The following TRRAP variants were observed in gnomAD, a reference collection of about 807,000 sequenced individuals.
The protein encoded by TRRAP is transformation/transcription domain-associated protein.
Under a neutral mutation model 438.8 loss-of-function variants are expected in TRRAP, and 41 were observed. The observed-to-expected ratio is 0.09, with a 90% CI of 0.07 to 0.12. TRRAP has a LOEUF of 0.12. TRRAP is among the 10% of genes least tolerant of loss of function. The pLI is 1.00. For missense variants in TRRAP, 3,122 were observed against 5,055.1 expected (o/e 0.62, Z 11.60); for synonymous variants, 1,994 against 1,962.9 (o/e 1.02, Z -0.42).
intron 30 of TRRAP, among the ~76,000 whole-genome samples, chr7:98,942,407 C>T (rs1790836818): frequency 6.6e-6 from 1 of 152,256 alleles, no homozygotes; most frequent in African/African-American, 2.4e-5. Context: ...CTGCTTCTGG[C>T]ATTCCTGCCT....
At chr7:99,006,092 A>G (rs1025707517) in intron 69 of TRRAP, among the ~76,000 whole-genome samples, 5 of 152,188 alleles carry the variant, frequency 3.3e-5, no homozygotes, top group Admixed American at 2.0e-4. Context: ...GGGGGACACA[A>G]ATAGCTGATA....
In TRRAP at chr7:98,965,721, T is replaced by C; in HGVS notation, c.7002T>C (p.Ser2334=). 1 of 1,614,010 alleles carries C rather than the reference T, an allele frequency of 6.2e-7. No homozygotes were observed. Among genetic ancestry groups the C allele is most frequent in the African/African-American group, 1.3e-5 (1 of 74,974 alleles). The change falls in exon 49 of 73, where the codon AGT becomes AGC. Residue 2334 remains serine, a synonymous_variant. Transcript: ENST00000456197. Reference sequence around the variant, plus strand: ...GTACAAGCGAGCTGGTGATGCTGAGTCTGGAGCTGGTGAAGACGCGCCTGG... The same window carrying C: ...GTACAAGCGAGCTGGTGATGCTGAGCCTGGAGCTGGTGAAGACGCGCCTGG... The part of the protein sequence containing the change: ...TSGTSELVML[S]LELVKTRLAV...
At chr7:98,990,333 G>A in intron 63 of TRRAP, 122 bp from the exon 64 acceptor site, 1 of 984,534 alleles carries the variant, frequency 1.0e-6, no homozygotes. Flanking sequence ...CCTGCTTATA[G>A]ATACTTTTTT....
At chr7:98,951,030 G>T (rs782208000) in intron 39 of TRRAP, 26 bp downstream of exon 39, 8 of 1,556,660 alleles carry the variant, frequency 5.1e-6, no homozygotes, top group Admixed American at 1.9e-5. Flanking sequence ...GTGTGGGTGT[G>T]AGAAGTAGCC....
intron 30 of TRRAP, 24 bp from the exon 31 acceptor site, chr7:98,942,925 T>C (rs1554416010): frequency 6.2e-7 from 1 of 1,613,990 alleles, no homozygotes; most frequent in Non-Finnish European, 8.5e-7. Context: ...TGAAGTTGTG[T>C]CTCAGGATGT....
chr7:98,924,369 A>G (rs1416298733), intron 21 of TRRAP, among the ~76,000 whole-genome samples: 1 of 152,242 alleles, frequency 6.6e-6, no homozygotes, highest in Non-Finnish European at 1.5e-5. Flanking sequence ...TTAAAGCTGT[A>G]AAGTGTGTAC....
chr7:98,910,219 C>T lies in TRRAP; in HGVS notation c.1514C>T (p.Ala505Val). Reference protein sequence around the residue: ...GPAPSPAPVPAPPPPPPPPPP... With the variant: ...GPAPSPAPVPVPPPPPPPPPP... The stretch of plus-strand genomic sequence containing the variant: ...GCTCCCTCCCCAGCCCCTGTCCCTG[C>T]CCCACCTCCACCCCCGCCCCCACCC... Residue 505 changes from alanine (A) to valine (V), a missense_variant, in exon 15 of 73, where the codon GCC becomes GTC. Physicochemically the swap from Ala to Val is moderately conservative, Grantham distance 64. Transcript: ENST00000456197. 4 of 699,358 alleles carry T rather than the reference C, an allele frequency of 5.7e-6. No individual in the cohort carries two copies. Among genetic ancestry groups the T allele is most frequent in the Non-Finnish European group, 9.0e-6 (4 of 446,418 alleles). 43.3% of individuals were successfully genotyped at this position (699,358 alleles called of 1,614,324 possible).
chr7:98,984,095 A>G lies in TRRAP; in HGVS notation c.9025A>G (p.Ile3009Val). The change falls in exon 61 of 73, where the codon ATT becomes GTT. Residue 3009 changes from isoleucine (I) to valine (V), a missense_variant and splice_region_variant. Ile to Val is a conservative substitution (Grantham distance 29). Around this residue, in one of 24 missense-constraint regions of TRRAP, gnomAD observed 129 missense variants for 279.2 expected, o/e 0.46. Transcript: ENST00000456197. ...FMWRQHHYQAIVTAYENSSQH... is the reference protein window; with the variant it reads ...FMWRQHHYQAVVTAYENSSQH... ...TGATTCCTTTCTTTGCCCTCTAGCG[A>G]TTGTAACTGCCTATGAGAATAGCTC... The G allele has an allele frequency of 6.3e-7, 1 of 1,597,282 alleles. No homozygotes were observed. Among genetic ancestry groups the G allele is most frequent in the Non-Finnish European group, 8.5e-7 (1 of 1,171,056 alleles).
chr7:98,964,494 A>G (rs1746005567), intron 47 of TRRAP, 135 bp from the exon 48 acceptor site: 13 of 977,366 alleles, frequency 1.3e-5, no homozygotes, highest in Non-Finnish European at 2.0e-5. Context: ...TGAGCCATGT[A>G]AAAGCTCACA....
intron 61 of TRRAP, 61 bp from the exon 62 acceptor site, chr7:98,984,882 TG>T: frequency 9.2e-7 from 1 of 1,088,694 alleles, no homozygotes; most frequent in Non-Finnish European, 1.4e-6. Context: ...TAGTATTTTA[TG>T]AGGTTTTCAT....
At chr7:98,946,099 A>G (rs1056702423) in intron 33 of TRRAP, 149 bp downstream of exon 33, 38 of 770,082 alleles carry the variant, frequency 4.9e-5, no homozygotes, top group Non-Finnish European at 6.1e-5. Context: ...GCAGAGTTGT[A>G]TCAGTATCAT....
Position 98,881,079 on chromosome 7 carries a change from T to G in TRRAP, c.-61-11T>G, listed in dbSNP as rs1554402954. 20 of 1,350,376 alleles carry G rather than the reference T, an allele frequency of 1.5e-5. No individual in the cohort carries two copies. In the South Asian group the frequency reaches 2.6e-4, roughly 18 times the overall value. 83.6% of individuals were successfully genotyped at this position (1,350,376 alleles called of 1,614,324 possible). A position where few individuals can be genotyped will look rare whatever the true frequency, so the allele number is the denominator to read the frequency against. On this transcript the variant is annotated splice_polypyrimidine_tract_variant and intron_variant, in intron 1 of 72. Coordinates refer to ENST00000456197, the MANE Select transcript of TRRAP (RefSeq NM_001375524.1). Reference sequence around the variant, plus strand: ...TCCATAAATTGACTAACTCTATGCTTCTTTTCATAGGCTGGTTGAACTCAT... The same window carrying G: ...TCCATAAATTGACTAACTCTATGCTGCTTTTCATAGGCTGGTTGAACTCAT...
chr7:99,004,208 C>G lies in TRRAP; in HGVS notation c.10328C>G (p.Pro3443Arg). ...TTTTAAGATTTTGACTTCAGCGTTC[C>G]AGGATCCATGAAGCTTCATAATCTT... ...QFTTDFDFSV[P>R]GSMKLHNLIS... Residue 3443 changes from proline to arginine, a missense_variant, in exon 68 of 73, where the codon CCA (proline) becomes CGA (arginine). By Grantham distance (103) the Pro-to-Arg change is moderately radical. Around this residue, in one of 24 missense-constraint regions of TRRAP, gnomAD observed 107 missense variants for 327.5 expected, o/e 0.33. Transcript: ENST00000456197. 6.2e-7 allele frequency: 1 copy of G among 1,611,474 alleles called. No homozygotes were observed. The highest frequency in any genetic ancestry group is 8.5e-7 in the Non-Finnish European group (1 of 1,179,448).
intron 48 of TRRAP, 60 bp downstream of exon 48, chr7:98,964,835 G>A: frequency 1.3e-6 from 2 of 1,545,356 alleles, no homozygotes; most frequent in Admixed American, 4.0e-5. Flanking sequence ...AACAGACTCT[G>A]TTGTGCAGGC....
chr7:98,956,718 A>T lies in TRRAP; in HGVS notation c.6231+185A>T, dbSNP rs928812858. Among the ~76,000 whole-genome samples the T allele has an allele frequency of 6.6e-6, 1 of 152,136 alleles. No homozygotes were observed. The highest frequency in any genetic ancestry group is 2.4e-5 in the African/African-American group (1 of 41,424). Reference sequence around the variant, plus strand: ...ATGCAAGGGGTTCCCAGGTCACCAGACATGCTTGCCTCATGCGTTCAGTTC... The same window carrying T: ...ATGCAAGGGGTTCCCAGGTCACCAGTCATGCTTGCCTCATGCGTTCAGTTC... On this transcript the variant is annotated intron_variant, in intron 43 of 72. Transcript: ENST00000456197. The surrounding 1 kb of genome is among the most constrained non-coding windows in gnomAD (Gnocchi z 4.5).
intron 4 of TRRAP, among the ~76,000 whole-genome samples, chr7:98,892,127 G>A (rs568225787): frequency 2.0e-5 from 3 of 152,320 alleles, no homozygotes; most frequent in Non-Finnish European, 2.9e-5. Context: ...TGAACTCCAT[G>A]TTCGTACACC....
Position 98,985,001 on chromosome 7 carries a change from G to A in TRRAP, c.9346G>A (p.Glu3116Lys), listed in dbSNP as rs1793090986. Residue 3116 changes from glutamate (E) to lysine (K), a missense_variant, in exon 62 of 73, where the codon GAA (glutamate) becomes AAA (lysine). By Grantham distance (56) the Glu-to-Lys change is moderately conservative. This residue lies in a region of TRRAP where 129 missense variants were observed against 279.2 expected (regional missense o/e 0.46). Coordinates refer to ENST00000456197, the MANE Select transcript of TRRAP (RefSeq NM_001375524.1). ...LKYFTKEMTAEFYALKGMFLA... is the reference protein window; with the variant it reads ...LKYFTKEMTAKFYALKGMFLA... ...ATACTTCACAAAAGAGATGACAGCCGAATTTTATGCACTGAAGGGAATGTT... is the reference window on the plus strand; with the variant it reads ...ATACTTCACAAAAGAGATGACAGCCAAATTTTATGCACTGAAGGGAATGTT... 1 of 1,613,400 alleles carries A rather than the reference G, an allele frequency of 6.2e-7. No homozygotes were observed. Among genetic ancestry groups the A allele is most frequent in the Non-Finnish European group, 8.5e-7 (1 of 1,179,612 alleles).
chr7:98,966,319 G>C (rs767027010), intron 49 of TRRAP, among the ~76,000 whole-genome samples: 2 of 151,782 alleles, frequency 1.3e-5, no homozygotes, highest in Non-Finnish European at 2.9e-5. Context: ...AAAAAAAAAA[G>C]AAAGATGGAT....
rs541047289 is a variant in TRRAP at position 98,961,894 on chromosome 7, T to C, written c.6704-408T>C. ...GAGATCGTGCCATTGCAATCCAGCC[T>C]GGGCAACAAGAGCAAAACTCCATCT... On this transcript the variant is annotated intron_variant, in intron 46 of 72. Transcript: ENST00000456197. 1.5e-4 allele frequency among the ~76,000 whole-genome samples: 23 copies of C among 152,316 alleles called. No homozygotes were observed. In the South Asian group the frequency reaches 4.8e-3, roughly 32 times the overall value.
Sources: gnomAD v4.1 joint callset for allele counts (sites outside exome capture counted in the v4.1 genomes callset) on GRCh38, gnomAD v4.1.1 for gene constraint, gnomAD v4.1.1 regional missense constraint, Gnocchi (gnomAD v3.1) non-coding constraint, MANE v1.5 for transcripts, NCBI Gene and HGNC (gene_info 2026-07-23, HGNC 2026-07-21) for gene names.